The following GAREM1 variants were observed in gnomAD, a reference collection of about 807,000 sequenced individuals.
GAREM1 encodes the protein GRB2-associated and regulator of MAPK protein 1.
Under a neutral mutation model 71.3 loss-of-function variants are expected in GAREM1, and 26 were observed. The ratio of observed to expected loss-of-function variants is 0.36; its 90% CI spans 0.27 to 0.51. The LOEUF is 0.51. Ranked by LOEUF, GAREM1 falls within the 20% of genes least tolerant of loss-of-function variation. The probability of loss-of-function intolerance (pLI) is 0.95; values close to 1 mark genes in which losing one functional copy is unlikely to be tolerated. For synonymous variants in GAREM1, 440 were observed against 433.2 expected, an observed-to-expected ratio of 1.02 and a Z score of -0.20; for missense variants, 1,026 against 1,103.1, an observed-to-expected ratio of 0.93 and a Z score of 0.99.
intron 2 of GAREM1, among the ~76,000 whole-genome samples, chr18:32,381,174 A>C (rs1171972606): frequency 6.6e-6 from 1 of 152,004 alleles, no homozygotes; most frequent in Non-Finnish European, 1.5e-5. Context: ...TGGAACTCCT[A>C]TCTCTTACAT....
At chr18:32,457,224 A>T (rs866794899) in intron 1 of GAREM1, among the ~76,000 whole-genome samples, 5,137 of 107,288 alleles carry the variant, frequency 0.048, 244 homozygotes, top group African/African-American at 0.1. Context: ...AGAGAGAGAG[A>T]GAGTGTGTGT....
chr18:32,330,197 CT>C (rs1212153061), intron 2 of GAREM1, among the ~76,000 whole-genome samples: 6 of 152,176 alleles, frequency 3.9e-5, no homozygotes, highest in African/African-American at 1.4e-4. Flanking sequence ...CAAATCATGT[CT>C]TTTGCAGCAA....
intron 2 of GAREM1, among the ~76,000 whole-genome samples, chr18:32,315,975 T>C (rs2047374312): frequency 1.3e-5 from 2 of 152,182 alleles, no homozygotes; most frequent in African/African-American, 4.8e-5. Flanking sequence ...ATTTTTCTAT[T>C]GCGTCTGTGA....
Position 32,332,874 on chromosome 18 carries a change from T to C in GAREM1, c.263-22551A>G, listed in dbSNP as rs369737585. ...TGTGTGGACTCTTTCCTGAAAACGA[T>C]GGCATGACAGAGAGAGAGTATCAGT... On this transcript the variant is annotated intron_variant, in intron 2 of 5. Coordinates refer to ENST00000269209, the MANE Select transcript of GAREM1 (RefSeq NM_001242409.2). Among the ~76,000 whole-genome samples, 16 of 152,198 alleles carry C rather than the reference T, an allele frequency of 1.1e-4. No homozygotes were observed. The East Asian group carries it at 2.3e-3, about 22-fold the overall frequency.
At chr18:32,300,795 A>C (rs986775426) in intron 3 of GAREM1, among the ~76,000 whole-genome samples, 1 of 151,040 alleles carries the variant, frequency 6.6e-6, no homozygotes, top group Non-Finnish European at 1.5e-5. Flanking sequence ...AATCCCAGCT[A>C]CTTGGGAGGC....
At chr18:32,291,365 CAAT>C (rs1044402582) in intron 3 of GAREM1, among the ~76,000 whole-genome samples, 1 of 120,478 alleles carries the variant, frequency 8.3e-6, no homozygotes, top group Non-Finnish European at 1.8e-5. Flanking sequence ...AAACAGAAAA[CAAT>C]GAAACTGGTT....
chr18:32,268,234 C>A lies in GAREM1; in HGVS notation c.2268G>T (p.Lys756Asn). The change falls in exon 6 of 6, where the codon AAG (lysine) becomes AAT (asparagine). Residue 756 changes from lysine to asparagine, a missense_variant. Transcript: ENST00000269209. ...LKIDGAEEDP[K>N]SGSPDLSEDQ... ...CCTCCGAGAGATCTGGTGACCCAGA[C>A]TTGGGGTCTTCCTCAGCACCATCAA... The A allele has an allele frequency of 6.2e-7, 1 of 1,614,100 alleles. No homozygotes were observed. Among genetic ancestry groups the A allele is most frequent in the Non-Finnish European group, 8.5e-7 (1 of 1,180,014 alleles).
chr18:32,335,018 T>C lies in GAREM1; in HGVS notation c.263-24695A>G, dbSNP rs979497919. On this transcript the variant is annotated intron_variant, in intron 2 of 5. Coordinates refer to ENST00000269209, the MANE Select transcript of GAREM1 (RefSeq NM_001242409.2). ...CCACTCCTTCCTTCCTCCTCAAATA[T>C]AGCCACCTTCCCCCACTGCCAATTT... 7.2e-5 allele frequency among the ~76,000 whole-genome samples: 11 copies of C among 152,280 alleles called. No individual in the cohort carries two copies. In the East Asian group the frequency reaches 1.9e-3, roughly 27 times the overall value.
At chr18:32,382,385 C>A (rs1010542691) in intron 2 of GAREM1, among the ~76,000 whole-genome samples, 1 of 151,940 alleles carries the variant, frequency 6.6e-6, no homozygotes, top group Admixed American at 6.5e-5. Flanking sequence ...GTGGTTGGGG[C>A]AGGATTTCTC....
In GAREM1 at chr18:32,266,576, C is replaced by G. The variant is rs2041376625; in HGVS notation, c.*1295G>C. On this transcript the variant is annotated 3_prime_UTR_variant, in exon 6 of 6. Coordinates refer to ENST00000269209, the MANE Select transcript of GAREM1 (RefSeq NM_001242409.2). ...TACTTAATCATATTTAGCAAAAATT[C>G]TCAGACTAATGTAAAAGTATGGTAA... The G allele has an allele frequency of 6.6e-6, 1 of 152,162 alleles. No individual in the cohort carries two copies. The highest frequency in any genetic ancestry group is 1.5e-5 in the Non-Finnish European group (1 of 68,028). The allele number at this position is 152,162 out of a possible 1,614,324, so 9.4% of individuals were successfully genotyped here.
chr18:32,325,576 C>A (rs2047466930), intron 2 of GAREM1, among the ~76,000 whole-genome samples: 1 of 152,168 alleles, frequency 6.6e-6, no homozygotes, highest in Admixed American at 6.6e-5. Context: ...AAGGCAACTC[C>A]TTAAAGTCCC....
intron 1 of GAREM1, chr18:32,412,320 G>C: frequency 1.3e-6 from 2 of 1,594,246 alleles, no homozygotes; most frequent in Admixed American, 1.7e-5. Flanking sequence ...ATAGGGGCCA[G>C]AGTTTCTGCC....
At chr18:32,456,307 C>T (rs1226064910) in intron 1 of GAREM1, among the ~76,000 whole-genome samples, 1 of 152,038 alleles carries the variant, frequency 6.6e-6, no homozygotes, top group African/African-American at 2.4e-5. Flanking sequence ...CACAGAAGAG[C>T]AAGTCCGAGT....
intron 2 of GAREM1, among the ~76,000 whole-genome samples, chr18:32,359,466 C>A (rs561086360): frequency 2.6e-5 from 4 of 152,192 alleles, no homozygotes; most frequent in Non-Finnish European, 5.9e-5. Flanking sequence ...TTATACTATA[C>A]AGTTCACAGT....
At chr18:32,441,459 C>G (rs2144274700) in intron 1 of GAREM1, among the ~76,000 whole-genome samples, 1 of 152,204 alleles carries the variant, frequency 6.6e-6, no homozygotes, top group South Asian at 2.1e-4. Flanking sequence ...TAGCAGCCAA[C>G]AATTAGGAAA....
chr18:32,445,468 T>TAC (rs956877677), intron 1 of GAREM1, among the ~76,000 whole-genome samples: 1 of 152,036 alleles, frequency 6.6e-6, no homozygotes, highest in Non-Finnish European at 1.5e-5. Context: ...TAGGGGTATA[T>TAC]ACTCCCCCCT....
chr18:32,270,112 T>A, intron 5 of GAREM1, 105 bp downstream of exon 5: 1 of 1,188,396 alleles, frequency 8.4e-7, no homozygotes, highest in Non-Finnish European at 1.2e-6. Flanking sequence ...CCATTTCCTC[T>A]CCCACCACCC....
At chr18:32,283,954 A>C (rs2046981527) in intron 4 of GAREM1, among the ~76,000 whole-genome samples, 2 of 152,202 alleles carry the variant, frequency 1.3e-5, no homozygotes, top group South Asian at 4.1e-4. Flanking sequence ...AGGGAAGCCA[A>C]CATCTTTAAT....
rs1402468730 is a variant in GAREM1, at chr18:32,451,630, C to T, written c.121+18678G>A. 3.9e-5 allele frequency among the ~76,000 whole-genome samples: 6 copies of T among 152,286 alleles called. No homozygotes were observed. The South Asian group carries it at 6.2e-4, about 16-fold the overall frequency. ...CCACAAATCTAGTTTTGCCTAGAGG[C>T]CCTCTTTCTCTTTGATTATAAACCC... On this transcript the variant is annotated intron_variant, in intron 1 of 5. Transcript: ENST00000269209.
Sources: allele counts gnomAD v4.1 joint callset (sites outside exome capture counted in the v4.1 genomes callset), GRCh38; gene constraint gnomAD v4.1.1; transcripts MANE v1.5; gene names NCBI Gene and HGNC (gene_info 2026-07-23, HGNC 2026-07-21).